SLC26A5: variants seen among roughly 807,000 people sequenced by gnomAD.
SLC26A5 encodes the protein solute carrier family 26 member 5, also known as prestin.
SLC26A5 carries 51 observed loss-of-function variants against 81.0 expected under a neutral mutation model. The observed-to-expected ratio is 0.63, with a 90% CI of 0.50 to 0.80. The LOEUF is 0.80. Ranked by LOEUF, SLC26A5 falls within the 30% of genes least tolerant of loss-of-function variation. The probability of loss-of-function intolerance (pLI) is 0.00; values close to 1 mark genes in which losing one functional copy is unlikely to be tolerated. For synonymous variants in SLC26A5, 325 were observed against 332.8 expected (o/e 0.98, Z 0.25); for missense variants, 771 against 905.8 (o/e 0.85, Z 1.91).
At position 103,376,835 on chromosome 7, in the gene SLC26A5, T is replaced by C. The variant is rs1821388203; in HGVS notation, c.2014A>G (p.Ile672Val). ...GIVKEYGDVG[I>V]YVYLAGCSAQ... is the part of the protein sequence containing the mutation. Reference sequence around the variant, plus strand: ...CTGCATCCTGCTAAGTATACATATATACCGACGTCTCCATATTCTTTTACA... The same window carrying C: ...CTGCATCCTGCTAAGTATACATATACACCGACGTCTCCATATTCTTTTACA... The change falls in exon 19 of 20, where the codon ATA becomes GTA. Residue 672 changes from isoleucine (I) to valine (V), a missense_variant. Physicochemically the swap from Ile to Val is conservative, Grantham distance 29 (BLOSUM62 3). Coordinates refer to ENST00000306312, the MANE Select transcript of SLC26A5 (RefSeq NM_198999.3). The C allele has an allele frequency of 6.2e-7, 1 of 1,604,620 alleles. No homozygotes were observed. Among genetic ancestry groups the C allele is most frequent in the Non-Finnish European group, 8.5e-7 (1 of 1,171,690 alleles).
chr7:103,423,710 A>T (rs1164469509), intron 2 of SLC26A5, among the ~76,000 whole-genome samples: 3 of 152,114 alleles, frequency 2.0e-5, no homozygotes, highest in African/African-American at 7.2e-5. Flanking sequence ...CCTGGCCCTT[A>T]CCAGCTGGTG....
intron 19 of SLC26A5, chr7:103,354,992 G>T (rs1415799284): frequency 3.2e-6 from 4 of 1,250,646 alleles, no homozygotes; most frequent in Non-Finnish European, 4.7e-6. Flanking sequence ...TAAATGTAAT[G>T]TGTGAATAAT....
intron 2 of SLC26A5, among the ~76,000 whole-genome samples, chr7:103,427,849 T>TTC (rs1342083814): frequency 3.0e-5 from 3 of 99,314 alleles, no homozygotes; most frequent in East Asian, 7.8e-4. Flanking sequence ...CTTCTAGAGA[T>TTC]TCTTTTTTTT....
At chr7:103,361,467 A>G (rs10271758) in intron 19 of SLC26A5, among the ~76,000 whole-genome samples, 25,240 of 145,508 alleles carry the variant, frequency 0.17, 2,747 homozygotes, top group African/African-American at 0.31. Context: ...CCAAGATCAC[A>G]CCATTGTGTT....
At chr7:103,355,007 A>G (rs1819951770) in intron 19 of SLC26A5, 3 of 1,136,876 alleles carry the variant, frequency 2.6e-6, no homozygotes, top group Non-Finnish European at 3.9e-6. Context: ...AATAATATCA[A>G]GAGTTTAAAT....
At chr7:103,445,519 G>A (rs1439550796) in intron 1 of SLC26A5, 2 of 152,252 alleles carry the variant, frequency 1.3e-5, no homozygotes, top group African/African-American at 4.8e-5. Context: ...GTTAGGCTCT[G>A]AGCAGTCCCT....
Position 103,412,771 on chromosome 7 carries a change from G to A in SLC26A5, c.403+231C>T, listed in dbSNP as rs183944493. ...TCACTATGTTGGTCTGGCTGGTCTCGAACTACTGACCTCAGACGATCTGCC... is the reference window on the plus strand; with the variant it reads ...TCACTATGTTGGTCTGGCTGGTCTCAAACTACTGACCTCAGACGATCTGCC... On this transcript the variant is annotated intron_variant, in intron 5 of 19. Coordinates refer to ENST00000306312, the MANE Select transcript of SLC26A5 (RefSeq NM_198999.3). 1.0e-3 allele frequency among the ~76,000 whole-genome samples: 154 copies of A among 152,006 alleles called. 2 individuals carry two copies. The highest frequency in any genetic ancestry group is 3.7e-3 in the African/African-American group (152 of 41,452).
intron 19 of SLC26A5, chr7:103,364,126 TTG>T: frequency 6.2e-7 from 1 of 1,609,564 alleles, no homozygotes; most frequent in Non-Finnish European, 8.5e-7. Flanking sequence ...AGTGTGAAAA[TTG>T]TGTCTCTATC....
chr7:103,422,954 T>G (rs1825461377), intron 2 of SLC26A5, among the ~76,000 whole-genome samples: 1 of 151,386 alleles, frequency 6.6e-6, no homozygotes, highest in Non-Finnish European at 1.5e-5. Flanking sequence ...TTCATCAAAA[T>G]GAAATCACAT....
chr7:103,400,797 A>G (rs1586285697), intron 8 of SLC26A5, among the ~76,000 whole-genome samples: 1 of 152,182 alleles, frequency 6.6e-6, no homozygotes, highest in African/African-American at 2.4e-5. Flanking sequence ...CAGTTTTCCC[A>G]ACACCATTTA....
chr7:103,366,128 GC>G, intron 19 of SLC26A5: 1 of 1,613,914 alleles, frequency 6.2e-7, no homozygotes, highest in Non-Finnish European at 8.5e-7. Context: ...AAAAAAGCCT[GC>G]CTTATCTTCT....
intron 19 of SLC26A5, among the ~76,000 whole-genome samples, chr7:103,353,307 CCTTTT>C (rs1819830943): frequency 6.6e-6 from 1 of 151,822 alleles, no homozygotes; most frequent in Admixed American, 6.6e-5. Context: ...CATTGTATTT[CCTTTT>C]CTTTTTCTTT....
chr7:103,364,418 T>A lies in SLC26A5; in HGVS notation c.2042-11492A>T, dbSNP rs544755950. Reference sequence around the variant, plus strand: ...GGATCCAGACCTGAAATTTCTTTTTTCTTTTGTTGAGACAGAGTCTCATTG... The same window carrying A: ...GGATCCAGACCTGAAATTTCTTTTTACTTTTGTTGAGACAGAGTCTCATTG... On this transcript the variant is annotated intron_variant, in intron 19 of 19. Transcript: ENST00000339444. 9.5e-6 allele frequency: 12 copies of A among 1,263,726 alleles called. No individual in the cohort carries two copies. The South Asian group carries it at 1.7e-4, about 18-fold the overall frequency. The allele number at this position is 1,263,726 out of a possible 1,614,324, so 78.3% of individuals were successfully genotyped here.
At chr7:103,405,760 T>G (rs928835557) in intron 8 of SLC26A5, among the ~76,000 whole-genome samples, 1 of 152,230 alleles carries the variant, frequency 6.6e-6, no homozygotes, top group Non-Finnish European at 1.5e-5. Context: ...TGTTTAAGTT[T>G]GCTGAAGCTG....
At chr7:103,437,768 G>T (rs1826562458) in intron 2 of SLC26A5, among the ~76,000 whole-genome samples, 1 of 152,142 alleles carries the variant, frequency 6.6e-6, no homozygotes, top group African/African-American at 2.4e-5. Flanking sequence ...TTGACCAGAG[G>T]CTAGGTCATG....
At chr7:103,385,438 C>T (rs2116424931) in intron 14 of SLC26A5, among the ~76,000 whole-genome samples, 1 of 152,180 alleles carries the variant, frequency 6.6e-6, no homozygotes, top group East Asian at 1.9e-4. Flanking sequence ...TGTCTCTTAA[C>T]TATGCCTGCT....
In SLC26A5 at chr7:103,411,492, A is replaced by C; in HGVS notation, c.498T>G (p.Asn166Lys). Residue 166 changes from asparagine (N) to lysine (K), a missense_variant, in exon 6 of 20, where the codon AAT (asparagine) becomes AAG (lysine). Physicochemically the swap from Asn to Lys is moderately conservative, Grantham distance 94. Transcript: ENST00000306312. ...TCAAGGCATCTCTGGCCTCTGTGCC[A>C]TTGGTTGCATTTACTCCTCCTGGAA... The part of the protein sequence containing the change: ...IVIPGGVNAT[N>K]GTEARDALRV... The C allele has an allele frequency of 6.2e-7, 1 of 1,614,174 alleles. No homozygotes were observed.
At chr7:103,424,184 T>C (rs1299098769) in intron 2 of SLC26A5, among the ~76,000 whole-genome samples, 2 of 152,190 alleles carry the variant, frequency 1.3e-5, no homozygotes, top group Admixed American at 6.5e-5. Context: ...CCTTCCATTT[T>C]CCCCACAGCC....
Position 103,367,384 on chromosome 7 carries a change from A to T in SLC26A5, c.2041+9424T>A. On this transcript the variant is annotated intron_variant, in intron 19 of 19. Transcript: ENST00000339444. The surrounding 1 kb of genome is among the most constrained non-coding windows in gnomAD (Gnocchi z 6.1). ...TAGTGCTACTCTTGAGTGGACTTGA[A>T]GAGCTTATCTTTCCTTTTGTCTTCT... 2 of 1,609,944 alleles carry T rather than the reference A, an allele frequency of 1.2e-6. 1 individual carries two copies. Among genetic ancestry groups the T allele is most frequent in the Non-Finnish European group, 1.7e-6 (2 of 1,177,902 alleles).
Sources: allele counts gnomAD v4.1 joint callset (sites outside exome capture counted in the v4.1 genomes callset), GRCh38; gene constraint gnomAD v4.1.1; non-coding constraint Gnocchi (gnomAD v3.1); transcripts MANE v1.5; gene names NCBI Gene and HGNC (gene_info 2026-07-23, HGNC 2026-07-21).